SGSM2: variants seen among roughly 807,000 people sequenced by gnomAD.
SGSM2 encodes small G protein signaling modulator 2.
In SGSM2, 89 loss-of-function variants were observed where a neutral mutation model predicts 126.6. That is an observed-to-expected ratio of 0.70 (90% CI 0.59 to 0.84). The LOEUF is 0.84. Among genes scored for constraint, SGSM2 ranks in the 40% least tolerant of loss-of-function variants. The pLI, the probability that SGSM2 is intolerant of heterozygous loss-of-function variation, is 0.00. For synonymous variants in SGSM2, 614 were observed against 574.3 expected (o/e 1.07, Z -0.99); for missense variants, 1,404 against 1,416.6 (o/e 0.99, Z 0.14).
chr17:2,362,226 G>T lies in SGSM2; in HGVS notation c.414G>T (p.Glu138Asp), dbSNP rs769706779. 3 of 1,613,614 alleles carry T rather than the reference G, an allele frequency of 1.9e-6. No homozygotes were observed. Among genetic ancestry groups the T allele is most frequent in the Non-Finnish European group, 2.5e-6 (3 of 1,179,838 alleles). ...TATGGGTACGCACGGCGCTCATCGA[G>T]AAAGTTCTGGACAAGGTCGTGCAAT... ...KHVWVRTALIEKVLDKVVQYL... is the reference protein window; with the variant it reads ...KHVWVRTALIDKVLDKVVQYL... Residue 138 changes from glutamate (E) to aspartate (D), a missense_variant, in exon 4 of 24, where the codon GAG (glutamate) becomes GAT (aspartate). By Grantham distance (45) the Glu-to-Asp change is conservative. Coordinates refer to ENST00000268989, the MANE Select transcript of SGSM2 (RefSeq NM_014853.3). The surrounding 1 kb of genome is among the most constrained non-coding windows in gnomAD (Gnocchi z 4.9).
rs1470086269 is a variant in SGSM2 at position 2,378,926 on chromosome 17, CT to C, written c.2900-109del. ...GGCCAGCATCAGCCCCAGCCCCAGCCTCAGCCTCAGCCTCAGCCCCAGCCTC... is the reference window on the plus strand; with the variant it reads ...GGCCAGCATCAGCCCCAGCCCCAGCCCAGCCTCAGCCTCAGCCCCAGCCTC... On this transcript the variant is annotated intron_variant, in intron 22 of 23. Transcript: ENST00000268989. The C allele has an allele frequency of 2.8e-4, 327 of 1,163,448 alleles. No individual in the cohort carries two copies. In the African/African-American group the frequency reaches 5.3e-3, roughly 19 times the overall value. 72.1% of individuals were successfully genotyped at this position (1,163,448 alleles called of 1,614,324 possible). A position where few individuals can be genotyped will look rare whatever the true frequency, so the allele number is the denominator to read the frequency against.
At position 2,380,294 on chromosome 17, in the gene SGSM2, T is replaced by C. The variant is rs2066359866; in HGVS notation, c.*774T>C. The C allele has an allele frequency of 6.5e-7, 1 of 1,535,866 alleles. No homozygotes were observed. The highest frequency in any genetic ancestry group is 1.7e-4 in the Middle Eastern group (1 of 5,988). ...TTCCCTGAAAACCACGTGTAAGAAG[T>C]GATGCTTTTGCCAGTGGATGATCTG... On this transcript the variant is annotated 3_prime_UTR_variant, in exon 24 of 24. Coordinates refer to ENST00000268989, the MANE Select transcript of SGSM2 (RefSeq NM_014853.3).
At chr17:2,378,276 AAAAG>A (rs1460632121) in intron 22 of SGSM2, among the ~76,000 whole-genome samples, 2 of 152,134 alleles carry the variant, frequency 1.3e-5, no homozygotes, top group Non-Finnish European at 2.9e-5. Context: ...TAATTTTTAA[AAAAG>A]AAAGAAAAAA....
Position 2,379,617 on chromosome 17 carries a change from C to T in SGSM2, c.*97C>T. ...CAGACCTCCCCAGCCACCAACCGAC[C>T]CCACCTCTGTTCCTAACAAAGCGGT... On this transcript the variant is annotated 3_prime_UTR_variant, in exon 24 of 24. Coordinates refer to ENST00000268989, the MANE Select transcript of SGSM2 (RefSeq NM_014853.3). 6.6e-7 allele frequency: 1 copy of T among 1,520,380 alleles called. No homozygotes were observed. The highest frequency in any genetic ancestry group is 8.9e-7 in the Non-Finnish European group (1 of 1,126,740). 94.2% of individuals were successfully genotyped at this position (1,520,380 alleles called of 1,614,324 possible). A position where few individuals can be genotyped will look rare whatever the true frequency, so the allele number is the denominator to read the frequency against.
In SGSM2 at chr17:2,337,707, GCAGT is replaced by G. The variant is rs2064139452; in HGVS notation, c.22_25del (p.Val8LysfsTer8). ...CCACACCATGGGCAGCGCAGAGGAC[GCAGT>G]CAAAGAGAAACTGCTGTGGAACGTG... On this transcript the variant is annotated frameshift_variant, in exon 1 of 24. Transcript: ENST00000268989. LOFTEE classifies it high-confidence loss of function. This position sits in a 1 kb window ranked among gnomAD's most constrained non-coding sequence, Gnocchi z 5.1. 1 of 1,538,526 alleles carries G rather than the reference GCAGT, an allele frequency of 6.5e-7. No homozygotes were observed. The highest frequency in any genetic ancestry group is 8.8e-7 in the Non-Finnish European group (1 of 1,139,642).
In SGSM2 at chr17:2,337,870, C is replaced by G; in HGVS notation, c.57+125C>G. ...CGAACCTGGGCCGGGCGGGGCGGGTCCTGGACGGGCTGCGCCTCCTTCCCC... is the reference window on the plus strand; with the variant it reads ...CGAACCTGGGCCGGGCGGGGCGGGTGCTGGACGGGCTGCGCCTCCTTCCCC... On this transcript the variant is annotated intron_variant, in intron 1 of 23. Coordinates refer to ENST00000268989, the MANE Select transcript of SGSM2 (RefSeq NM_014853.3). This position sits in a 1 kb window ranked among gnomAD's most constrained non-coding sequence, Gnocchi z 5.1. 2.0e-6 allele frequency: 1 copy of G among 510,740 alleles called. No homozygotes were observed. The highest frequency in any genetic ancestry group is 3.0e-6 in the Non-Finnish European group (1 of 330,132). The allele number at this position is 510,740 out of a possible 1,614,324, so 31.6% of individuals were successfully genotyped here.
At position 2,362,955 on chromosome 17, in the gene SGSM2, G is replaced by A. The variant is rs757311153; in HGVS notation, c.527-34G>A. The A allele has an allele frequency of 3.1e-6, 5 of 1,613,980 alleles. No individual in the cohort carries two copies. The South Asian group carries it at 5.5e-5, about 18-fold the overall frequency. On this transcript the variant is annotated intron_variant, in intron 5 of 23. Coordinates refer to ENST00000268989, the MANE Select transcript of SGSM2 (RefSeq NM_014853.3). This position sits in a 1 kb window ranked among gnomAD's most constrained non-coding sequence, Gnocchi z 4.9. ...TGGGTACGGGGCAGGTGCTGAGGGAGCATCGTCTGGGCTGGCTGTCTCTGT... is the reference window on the plus strand; with the variant it reads ...TGGGTACGGGGCAGGTGCTGAGGGAACATCGTCTGGGCTGGCTGTCTCTGT...
chr17:2,358,693 T>C (rs950287128), intron 2 of SGSM2, among the ~76,000 whole-genome samples: 10 of 149,748 alleles, frequency 6.7e-5, no homozygotes, highest in African/African-American at 1.7e-4. Flanking sequence ...GACCAGGCAA[T>C]AGAGTGAGAC....
Position 2,343,464 on chromosome 17 carries a change from C to A in SGSM2, c.58-81C>A. ...GAAAGTGCCCTTCAGACCAGAAGGG[C>A]GGAACCAAACTATTTATTTGCCCAG... On this transcript the variant is annotated intron_variant, in intron 1 of 23. Transcript: ENST00000268989. 6 of 1,425,152 alleles carry A rather than the reference C, an allele frequency of 4.2e-6. 1 individual carries two copies. Among genetic ancestry groups the A allele is most frequent in the Middle Eastern group, 1.8e-4 (1 of 5,684 alleles). The allele number at this position is 1,425,152 out of a possible 1,614,324, so 88.3% of individuals were successfully genotyped here.
chr17:2,353,745 G>A (rs1004156754), intron 2 of SGSM2, among the ~76,000 whole-genome samples: 1 of 148,736 alleles, frequency 6.7e-6, no homozygotes, highest in Non-Finnish European at 1.5e-5. Context: ...CAGCCTGGGT[G>A]ACAGACTGAG....
At chr17:2,365,187 G>T in intron 10 of SGSM2, 28 bp from the exon 11 acceptor site, 1 of 1,600,078 alleles carries the variant, frequency 6.2e-7, no homozygotes, top group Non-Finnish European at 8.5e-7. Context: ...GCCCTATACA[G>T]CCCGACCACC....
intron 18 of SGSM2, 45 bp from the exon 19 acceptor site, chr17:2,376,092 G>A: frequency 6.2e-7 from 1 of 1,612,404 alleles, no homozygotes; most frequent in Non-Finnish European, 8.5e-7. Context: ...CCCAGCCTGG[G>A]AAGGGCTGCC....
At chr17:2,345,793 T>C (rs1308386469) in intron 2 of SGSM2, among the ~76,000 whole-genome samples, 1 of 152,048 alleles carries the variant, frequency 6.6e-6, no homozygotes, top group East Asian at 1.9e-4. Context: ...GGCCAGGGTA[T>C]CTCAGGGCCT....
intron 1 of SGSM2, among the ~76,000 whole-genome samples, chr17:2,340,639 C>T (rs979029130): frequency 3.3e-5 from 5 of 151,214 alleles, no homozygotes; most frequent in African/African-American, 1.2e-4. Context: ...GGCTGGAGTG[C>T]CGTGGCGCCA....
intron 1 of SGSM2, among the ~76,000 whole-genome samples, chr17:2,339,795 C>T (rs563995665): frequency 1.3e-5 from 2 of 151,360 alleles, no homozygotes; most frequent in Admixed American, 6.6e-5. Flanking sequence ...AATGTTTGTT[C>T]CCACCCCTCC....
intron 2 of SGSM2, among the ~76,000 whole-genome samples, chr17:2,349,481 C>T (rs1328323070): frequency 1.3e-5 from 2 of 152,070 alleles, no homozygotes; most frequent in African/African-American, 2.4e-5. Flanking sequence ...TCTGGAGAAT[C>T]AGAAATTTGA....
Position 2,363,468 on chromosome 17 carries a change from C to G in SGSM2, c.676C>G (p.Arg226Gly). Residue 226 changes from arginine to glycine, a missense_variant, in exon 7 of 24, where the codon CGG becomes GGG. Physicochemically the swap from Arg to Gly is moderately radical, Grantham distance 125. Transcript: ENST00000268989. This position sits in a 1 kb window ranked among gnomAD's most constrained non-coding sequence, Gnocchi z 4.2. ...SPAKRPALGIRKRHSSGSASE... is the reference protein window; with the variant it reads ...SPAKRPALGIGKRHSSGSASE... ...TGAGCCCCGGCCTTCCACACAGATC[C>G]GGAAACGGCACTCAAGCGGCAGCGC... The G allele has an allele frequency of 6.2e-7, 1 of 1,613,226 alleles. No individual in the cohort carries two copies. The highest frequency in any genetic ancestry group is 8.5e-7 in the Non-Finnish European group (1 of 1,180,006).
rs562692025 is a variant in SGSM2, at chr17:2,348,791, T to A, written c.133+5171T>A. On this transcript the variant is annotated intron_variant, in intron 2 of 23. Transcript: ENST00000268989. ...TTGTTTCGTTTTGTTTGAGATGGAG[T>A]CTCACTCTGTCTCCCCGCTGGAGTG... Among the ~76,000 whole-genome samples the A allele has an allele frequency of 1.2e-4, 18 of 152,104 alleles. No homozygotes were observed. In the South Asian group the frequency reaches 3.5e-3, roughly 30 times the overall value.
Position 2,344,868 on chromosome 17 carries a change from C to T in SGSM2, c.133+1248C>T, listed in dbSNP as rs1223764138. Among the ~76,000 whole-genome samples the T allele has an allele frequency of 2.6e-5, 4 of 152,064 alleles. No individual in the cohort carries two copies. The East Asian group carries it at 7.7e-4, about 29-fold the overall frequency. ...TCCTCTAAAAACAGACTGATGATTCCCACCTCAAGGAACTTTCGTGGGGAT... is the reference window on the plus strand; with the variant it reads ...TCCTCTAAAAACAGACTGATGATTCTCACCTCAAGGAACTTTCGTGGGGAT... On this transcript the variant is annotated intron_variant, in intron 2 of 23. Coordinates refer to ENST00000268989, the MANE Select transcript of SGSM2 (RefSeq NM_014853.3).
Sources: allele counts gnomAD v4.1 joint callset (sites outside exome capture counted in the v4.1 genomes callset), GRCh38; gene constraint gnomAD v4.1.1; non-coding constraint Gnocchi (gnomAD v3.1); transcripts MANE v1.5; gene names NCBI Gene and HGNC (gene_info 2026-07-23, HGNC 2026-07-21).